Variants in THSD4 observed in about 807,000 individuals in gnomAD.
THSD4 encodes thrombospondin type 1 domain containing 4, also known as thrombospondin type-1 domain-containing protein 4.
THSD4 carries 69 observed loss-of-function variants against 119.0 expected under a neutral mutation model. The ratio of observed to expected loss-of-function variants is 0.58; its 90% confidence interval spans 0.48 to 0.71. The LOEUF (loss-of-function observed/expected upper bound fraction) is 0.71. Among genes scored for constraint, THSD4 ranks in the 30% least tolerant of loss-of-function variants. The pLI is 0.00. For missense variants in THSD4, 1,393 were observed against 1,391.1 expected, an observed-to-expected ratio of 1.00 and a Z score of -0.02; for synonymous variants, 524 against 540.4, an observed-to-expected ratio of 0.97 and a Z score of 0.42.
intron 2 of THSD4, among the ~76,000 whole-genome samples, chr15:71,147,252 T>TG (rs1216669637): frequency 6.6e-6 from 1 of 152,220 alleles, no homozygotes; most frequent in African/African-American, 2.4e-5. Flanking sequence ...TTGCCCAGGC[T>TG]GGGGTCCAGT....
intron 7 of THSD4, among the ~76,000 whole-genome samples, chr15:71,602,155 A>C (rs1213423513): frequency 1.3e-5 from 2 of 152,126 alleles, no homozygotes; most frequent in Non-Finnish European, 2.9e-5. Flanking sequence ...TCTGGAGCTA[A>C]AGGTCTTTGT....
chr15:71,642,874 A>G (rs976949595), intron 7 of THSD4, among the ~76,000 whole-genome samples: 5 of 152,274 alleles, frequency 3.3e-5, no homozygotes, highest in South Asian at 2.1e-4. Flanking sequence ...TGGGTGCAGC[A>G]CACCAGCATG....
chr15:71,407,276 CT>C (rs1227879118), intron 6 of THSD4, among the ~76,000 whole-genome samples: 16 of 152,250 alleles, frequency 1.1e-4, no homozygotes, highest in African/African-American at 3.9e-4. Context: ...CCAAAGTTAC[CT>C]TTTGGAGACT....
At chr15:71,221,968 G>A (rs565953982) in intron 4 of THSD4, among the ~76,000 whole-genome samples, 61 of 152,148 alleles carry the variant, frequency 4.0e-4, no homozygotes, top group African/African-American at 1.3e-3. Flanking sequence ...TCTCATTGTA[G>A]TTTGGTTTGC....
intron 7 of THSD4, among the ~76,000 whole-genome samples, chr15:71,442,660 G>GTATATATATATATATATATATATA (rs71154772): frequency 7.7e-5 from 2 of 25,812 alleles, no homozygotes; most frequent in African/African-American, 2.2e-4. Flanking sequence ...GTGTGTGTGT[G>GTATATATATATATATATATATATA]TATATATATA....
At chr15:71,742,094 G>A (rs2053247012) in intron 11 of THSD4, among the ~76,000 whole-genome samples, 1 of 152,210 alleles carries the variant, frequency 6.6e-6, no homozygotes. Context: ...AGTCACTTAT[G>A]CACAGAATAA....
At position 71,115,567 on chromosome 15, in the gene THSD4, CG is replaced by C. The variant is rs2040351363; in HGVS notation, c.-208del. The C allele has an allele frequency of 6.7e-6, 1 of 150,196 alleles. No homozygotes were observed. The highest frequency in any genetic ancestry group is 2.1e-4 in the South Asian group (1 of 4,872). 9.3% of individuals were successfully genotyped at this position (150,196 alleles called of 1,614,324 possible). A position where few individuals can be genotyped will look rare whatever the true frequency, so the allele number is the denominator to read the frequency against. ...GGGCACAGCGGGAGCCCGTGCAGGG[CG>C]GGCGCGGGGCGGCTGGGCGGCGGTG... On this transcript the variant is annotated 5_prime_UTR_variant, in exon 1 of 18. Transcript: ENST00000261862. The surrounding 1 kb of genome is among the most constrained non-coding windows in gnomAD (Gnocchi z 4.4).
chr15:71,453,112 A>G (rs2047288860), intron 7 of THSD4, among the ~76,000 whole-genome samples: 1 of 152,210 alleles, frequency 6.6e-6, no homozygotes, highest in South Asian at 2.1e-4. Context: ...ACCCTTCTGG[A>G]CCTTGATCTG....
intron 3 of THSD4, among the ~76,000 whole-genome samples, chr15:71,203,215 A>C (rs1435411850): frequency 1.3e-5 from 2 of 152,130 alleles, no homozygotes; most frequent in Admixed American, 1.3e-4. Context: ...GATGGAGTTG[A>C]AGCTGGAAAG....
chr15:71,448,886 A>G (rs1347279638), intron 7 of THSD4, among the ~76,000 whole-genome samples: 2 of 152,246 alleles, frequency 1.3e-5, no homozygotes, highest in African/African-American at 4.8e-5. Flanking sequence ...AGTTAAATAT[A>G]GGTGGCTCCC....
chr15:71,145,633 GAAGAAAGGGGTT>G (rs2040650884), intron 2 of THSD4, among the ~76,000 whole-genome samples: 2 of 152,220 alleles, frequency 1.3e-5, no homozygotes, highest in South Asian at 4.1e-4. Context: ...ATACAGAAAG[GAAGAAAGGGGTT>G]AAGAAAACGT....
chr15:71,291,464 A>G (rs1277782976), intron 6 of THSD4, among the ~76,000 whole-genome samples: 1 of 152,164 alleles, frequency 6.6e-6, no homozygotes, highest in East Asian at 1.9e-4. Context: ...CCCAGCCAAT[A>G]ATTCAGTTCA....
At chr15:71,128,135 T>A (rs763854621) in intron 1 of THSD4, among the ~76,000 whole-genome samples, 2 of 151,058 alleles carry the variant, frequency 1.3e-5, no homozygotes, top group African/African-American at 2.4e-5. Flanking sequence ...AGAATGGAGA[T>A]GACAGGAAAG....
At chr15:71,625,296 C>G (rs1379185600) in intron 7 of THSD4, among the ~76,000 whole-genome samples, 1 of 152,104 alleles carries the variant, frequency 6.6e-6, no homozygotes, top group African/African-American at 2.4e-5. Flanking sequence ...GTGTGAGCCA[C>G]CAGCCACAGC....
At chr15:71,304,709 C>T (rs529980023) in intron 6 of THSD4, among the ~76,000 whole-genome samples, 1 of 152,208 alleles carries the variant, frequency 6.6e-6, no homozygotes, top group African/African-American at 2.4e-5. Context: ...CCAACCTCGT[C>T]TATGGTAAAA....
At chr15:71,409,560 A>G (rs1274527933) in intron 6 of THSD4, among the ~76,000 whole-genome samples, 4 of 152,124 alleles carry the variant, frequency 2.6e-5, no homozygotes, top group African/African-American at 9.7e-5. Flanking sequence ...TTTTCCCCCA[A>G]ATCACCTCTT....
chr15:71,371,262 C>T (rs185399058), intron 6 of THSD4, among the ~76,000 whole-genome samples: 1 of 152,144 alleles, frequency 6.6e-6, no homozygotes, highest in South Asian at 2.1e-4. Context: ...TTAATTGTAG[C>T]ATTTAGCCCA....
rs940915794 is a variant in THSD4 at position 71,711,570 on chromosome 15, C to T, written c.1358-16979C>T. On this transcript the variant is annotated intron_variant, in intron 8 of 17. Coordinates refer to ENST00000261862, the MANE Select transcript of THSD4 (RefSeq NM_024817.3). ...GACAAAGAAGAGCAATAAAATAGAGCGAAATCTAGTCATGACTCGTTGTAA... is the reference window on the plus strand; with the variant it reads ...GACAAAGAAGAGCAATAAAATAGAGTGAAATCTAGTCATGACTCGTTGTAA... 1.2e-4 allele frequency among the ~76,000 whole-genome samples: 18 copies of T among 151,756 alleles called. 1 individual carries two copies. The highest frequency in any genetic ancestry group is 7.7e-4 in the East Asian group (4 of 5,180).
At chr15:71,754,070 C>G (rs182654830) in intron 14 of THSD4, among the ~76,000 whole-genome samples, 8 of 142,022 alleles carry the variant, frequency 5.6e-5, no homozygotes, top group African/African-American at 1.8e-4. Context: ...ATTCTGTTTA[C>G]CTTTTATTCT....
Sources: allele counts gnomAD v4.1 joint callset (sites outside exome capture counted in the v4.1 genomes callset), GRCh38; gene constraint gnomAD v4.1.1; non-coding constraint Gnocchi (gnomAD v3.1); transcripts MANE v1.5; gene names NCBI Gene and HGNC (gene_info 2026-07-23, HGNC 2026-07-21).